MYO1D: variants seen among roughly 807,000 people sequenced by gnomAD.
MYO1D encodes unconventional myosin-Id.
In MYO1D, 83 loss-of-function variants were observed where a neutral mutation model predicts 122.0. That is an observed-to-expected ratio of 0.68 (90% CI 0.57 to 0.82). MYO1D has a LOEUF of 0.82. Ranked by LOEUF, MYO1D falls within the 40% of genes least tolerant of loss-of-function variation. The pLI, the probability that MYO1D is intolerant of heterozygous loss-of-function variation, is 0.00. For synonymous variants in MYO1D, 464 were observed against 446.9 expected, an observed-to-expected ratio of 1.04 and a Z score of -0.48; for missense variants, 1,157 against 1,269.5, an observed-to-expected ratio of 0.91 and a Z score of 1.35.
At chr17:32,745,357 G>A in intron 12 of MYO1D, 72 bp from the exon 13 acceptor site, 1 of 899,558 alleles carries the variant, frequency 1.1e-6, no homozygotes, top group Non-Finnish European at 1.7e-6. Context: ...TTTCCAGGAG[G>A]CAACAAGCCT....
intron 1 of MYO1D, among the ~76,000 whole-genome samples, chr17:32,784,881 C>T (rs928549787): frequency 6.6e-6 from 1 of 151,936 alleles, no homozygotes; most frequent in Non-Finnish European, 1.5e-5. Flanking sequence ...GAGTAGAAGG[C>T]TGTGTTAAGG....
intron 1 of MYO1D, among the ~76,000 whole-genome samples, chr17:32,793,110 T>C (rs1425854976): frequency 6.6e-6 from 1 of 151,910 alleles, no homozygotes; most frequent in Non-Finnish European, 1.5e-5. Flanking sequence ...AAGCCTAGAA[T>C]TGACAACTTG....
chr17:32,691,755 C>T (rs2089104387), intron 16 of MYO1D, among the ~76,000 whole-genome samples: 1 of 152,062 alleles, frequency 6.6e-6, no homozygotes, highest in Admixed American at 6.6e-5. Flanking sequence ...TTAAGATTTT[C>T]CTTAGTATTA....
chr17:32,497,165 G>C (rs1909149334), intron 21 of MYO1D: 2 of 152,832 alleles, frequency 1.3e-5, no homozygotes, highest in South Asian at 4.1e-4. Flanking sequence ...GGGTGCAGTG[G>C]CTCATGCTTG....
intron 20 of MYO1D, among the ~76,000 whole-genome samples, chr17:32,617,601 C>G (rs1349007992): frequency 6.6e-6 from 1 of 152,022 alleles, no homozygotes; most frequent in Non-Finnish European, 1.5e-5. Context: ...CCACCATGCC[C>G]GGGTAATTTT....
At chr17:32,662,508 TA>T (rs1597983354) in intron 16 of MYO1D, among the ~76,000 whole-genome samples, 1 of 151,956 alleles carries the variant, frequency 6.6e-6, no homozygotes, top group South Asian at 2.1e-4. Flanking sequence ...CCGTCTCTAC[TA>T]AAAAATACAA....
chr17:32,643,437 T>C (rs1415842644), intron 19 of MYO1D, among the ~76,000 whole-genome samples: 4 of 152,208 alleles, frequency 2.6e-5, no homozygotes, highest in Non-Finnish European at 4.4e-5. Context: ...GCTGGCCTCA[T>C]AAAATAAGTT....
chr17:32,507,892 C>CTTTTTTTTT (rs34271237), intron 21 of MYO1D, among the ~76,000 whole-genome samples: 1 of 109,320 alleles, frequency 9.1e-6, no homozygotes, highest in Non-Finnish European at 1.8e-5. Context: ...CCATGCTGGA[C>CTTTTTTTTT]TTTTTTTTTT....
At chr17:32,780,942 T>G (rs1390904316) in intron 1 of MYO1D, among the ~76,000 whole-genome samples, 158 bp from the exon 2 acceptor site, 2 of 152,186 alleles carry the variant, frequency 1.3e-5, no homozygotes, top group Non-Finnish European at 2.9e-5. Context: ...AGAGAATGTT[T>G]GAGGCTGTGC....
chr17:32,815,573 C>T (rs2090606540), intron 1 of MYO1D, among the ~76,000 whole-genome samples: 1 of 152,252 alleles, frequency 6.6e-6, no homozygotes. Context: ...AGGCAGCCCT[C>T]TTCCCTCTCG....
At chr17:32,804,871 G>A (rs1022444494) in intron 1 of MYO1D, among the ~76,000 whole-genome samples, 1 of 152,132 alleles carries the variant, frequency 6.6e-6, no homozygotes, top group Non-Finnish European at 1.5e-5. Flanking sequence ...GAGCAGTCTG[G>A]ATGCTATCAA....
At chr17:32,537,466 G>C (rs1910697034) in intron 21 of MYO1D, among the ~76,000 whole-genome samples, 1 of 152,180 alleles carries the variant, frequency 6.6e-6, no homozygotes, top group African/African-American at 2.4e-5. Flanking sequence ...ACAGAAAAAA[G>C]TTTGCTGACT....
At chr17:32,509,225 AC>A (rs774501179) in intron 21 of MYO1D, among the ~76,000 whole-genome samples, 44 of 152,294 alleles carry the variant, frequency 2.9e-4, no homozygotes, top group Non-Finnish European at 4.9e-4. Flanking sequence ...TGTGATGAAA[AC>A]ATATGAAGAG....
intron 6 of MYO1D, among the ~76,000 whole-genome samples, 158 bp downstream of exon 6, chr17:32,770,967 T>G (rs914732157): frequency 1.8e-4 from 27 of 152,226 alleles, no homozygotes; most frequent in African/African-American, 6.3e-4. Context: ...TTCAAAAATG[T>G]GCTGAATCTC....
intron 1 of MYO1D, among the ~76,000 whole-genome samples, chr17:32,781,504 A>C (rs1349768023): frequency 6.6e-6 from 1 of 152,182 alleles, no homozygotes; most frequent in Non-Finnish European, 1.5e-5. Context: ...GTATTTTTAA[A>C]GTATATATAA....
intron 14 of MYO1D, among the ~76,000 whole-genome samples, chr17:32,725,514 C>T (rs376037358): frequency 1.3e-5 from 2 of 149,730 alleles, no homozygotes; most frequent in East Asian, 3.9e-4. Context: ...GAGCGAGACT[C>T]CATCTTAAAG....
chr17:32,501,377 C>T (rs1909312873), intron 21 of MYO1D, among the ~76,000 whole-genome samples: 1 of 152,206 alleles, frequency 6.6e-6, no homozygotes, highest in South Asian at 2.1e-4. Flanking sequence ...CAAGTCAGTT[C>T]TCTAATCTGA....
At chr17:32,634,902 T>C (rs2150936375) in intron 20 of MYO1D, among the ~76,000 whole-genome samples, 1 of 152,266 alleles carries the variant, frequency 6.6e-6, no homozygotes, top group African/African-American at 2.4e-5. Context: ...GTGACCAAGG[T>C]CCAAATGTGG....
chr17:32,550,596 C>A (rs1334610303), intron 21 of MYO1D, among the ~76,000 whole-genome samples: 1 of 152,160 alleles, frequency 6.6e-6, no homozygotes, highest in African/African-American at 2.4e-5. Flanking sequence ...CCCATGTCTT[C>A]ATTCTTTGTA....
Sources: allele counts gnomAD v4.1 joint callset (sites outside exome capture counted in the v4.1 genomes callset), GRCh38; gene constraint gnomAD v4.1.1; transcripts MANE v1.5; gene names NCBI Gene and HGNC (gene_info 2026-07-23, HGNC 2026-07-21).